GLCE: variants seen among roughly 807,000 people sequenced by gnomAD.
GLCE encodes the protein D-glucuronyl C5-epimerase.
A neutral mutation model predicts 47.9 loss-of-function variants in GLCE; 19 were observed. The ratio of observed to expected loss-of-function variants is 0.40; its 90% CI spans 0.28 to 0.58. GLCE has a LOEUF of 0.58. Among genes scored for constraint, GLCE ranks in the 20% least tolerant of loss-of-function variants. The pLI is 0.48. For missense variants in GLCE, 556 were observed against 743.3 expected (o/e 0.75, Z 2.93); for synonymous variants, 245 against 263.4 (o/e 0.93, Z 0.68).
chr15:69,215,478 G>C (rs527930368), intron 2 of GLCE, among the ~76,000 whole-genome samples: 1 of 151,712 alleles, frequency 6.6e-6, no homozygotes, highest in Non-Finnish European at 1.5e-5. Flanking sequence ...TCTGTTGTGG[G>C]ACATCTGGGT....
At chr15:69,183,799 C>T (rs2140343468) in intron 1 of GLCE, among the ~76,000 whole-genome samples, 1 of 152,298 alleles carries the variant, frequency 6.6e-6, no homozygotes, top group East Asian at 1.9e-4. Context: ...TCCTTTAGGT[C>T]AGTAGGATCA....
rs1017383404 is a variant in GLCE, at chr15:69,270,516, G to T, written c.*1272G>T. The T allele has an allele frequency of 6.6e-6, 1 of 152,084 alleles. No homozygotes were observed. Among genetic ancestry groups the T allele is most frequent in the African/African-American group, 2.4e-5 (1 of 41,414 alleles). 9.4% of individuals were successfully genotyped at this position (152,084 alleles called of 1,614,324 possible). A position where few individuals can be genotyped will look rare whatever the true frequency, so the allele number is the denominator to read the frequency against. ...AATAAAACCGAGGGTTGTTGATTTT[G>T]CTGTGACAGTACACTAAATCAATAC... On this transcript the variant is annotated 3_prime_UTR_variant, in exon 5 of 5. Transcript: ENST00000261858.
At chr15:69,200,908 T>C (rs1279195879) in intron 1 of GLCE, among the ~76,000 whole-genome samples, 2 of 152,102 alleles carry the variant, frequency 1.3e-5, no homozygotes, top group Non-Finnish European at 2.9e-5. Context: ...TCCTTGCTTA[T>C]ATGAGGTTTT....
chr15:69,222,832 G>T (rs971972373), intron 2 of GLCE, among the ~76,000 whole-genome samples: 1 of 152,070 alleles, frequency 6.6e-6, no homozygotes, highest in Non-Finnish European at 1.5e-5. Context: ...ATAGTGAAAG[G>T]TTTAAAATAA....
chr15:69,243,355 TA>T (rs1385878099), intron 2 of GLCE, among the ~76,000 whole-genome samples: 1 of 152,214 alleles, frequency 6.6e-6, no homozygotes, highest in Non-Finnish European at 1.5e-5. Flanking sequence ...TAAAGGCTAA[TA>T]AAATTAGCTT....
intron 1 of GLCE, among the ~76,000 whole-genome samples, chr15:69,167,584 A>G (rs2051524054): frequency 6.6e-6 from 1 of 152,258 alleles, no homozygotes; most frequent in Non-Finnish European, 1.5e-5. Flanking sequence ...ACAGAAATGC[A>G]TAAAATCTAG....
intron 2 of GLCE, among the ~76,000 whole-genome samples, chr15:69,216,227 G>T (rs1566958604): frequency 6.6e-6 from 1 of 152,096 alleles, no homozygotes; most frequent in Non-Finnish European, 1.5e-5. Context: ...ATTGGCATTG[G>T]ATTGACAAAT....
chr15:69,262,479 T>C (rs1303031212), intron 4 of GLCE, among the ~76,000 whole-genome samples: 1 of 152,180 alleles, frequency 6.6e-6, no homozygotes, highest in Non-Finnish European at 1.5e-5. Flanking sequence ...AAGAAACTTA[T>C]TTTTGCACTA....
chr15:69,224,482 A>C (rs2052418651), intron 2 of GLCE, among the ~76,000 whole-genome samples: 2 of 152,200 alleles, frequency 1.3e-5, no homozygotes, highest in African/African-American at 4.8e-5. Flanking sequence ...TGGCCCTTTA[A>C]GTTCCCTGGA....
chr15:69,161,393 G>C (rs75796500), intron 1 of GLCE, among the ~76,000 whole-genome samples: 1 of 151,930 alleles, frequency 6.6e-6, no homozygotes, highest in Non-Finnish European at 1.5e-5. Context: ...GCCTTGGGGG[G>C]TTGTTGGGGG....
intron 1 of GLCE, among the ~76,000 whole-genome samples, chr15:69,162,485 T>G (rs1218393642): frequency 6.6e-6 from 1 of 152,138 alleles, no homozygotes; most frequent in African/African-American, 2.4e-5. Flanking sequence ...CAGACAAATT[T>G]GAGTATACCA....
intron 2 of GLCE, among the ~76,000 whole-genome samples, chr15:69,245,896 T>C (rs901782642): frequency 6.6e-6 from 1 of 152,012 alleles, no homozygotes; most frequent in African/African-American, 2.4e-5. Context: ...GCCCGGCTAA[T>C]TTTTATATTT....
intron 1 of GLCE, among the ~76,000 whole-genome samples, chr15:69,185,469 A>G (rs1477528810): frequency 1.3e-5 from 2 of 152,072 alleles, no homozygotes; most frequent in African/African-American, 4.8e-5. Context: ...CTGGGTTGTG[A>G]TTAAGTTTCT....
At chr15:69,207,846 A>AT (rs2052173482) in intron 1 of GLCE, among the ~76,000 whole-genome samples, 1 of 152,130 alleles carries the variant, frequency 6.6e-6, no homozygotes, top group South Asian at 2.1e-4. Context: ...TGGTTGTGCC[A>AT]TTTTTTATTT....
intron 1 of GLCE, among the ~76,000 whole-genome samples, chr15:69,175,744 G>T (rs1044817124): frequency 2.6e-5 from 4 of 152,156 alleles, no homozygotes; most frequent in African/African-American, 9.7e-5. Context: ...CCATATCAGA[G>T]ATCTGTTTGC....
intron 2 of GLCE, among the ~76,000 whole-genome samples, chr15:69,237,640 A>G (rs1305552482): frequency 6.6e-6 from 1 of 152,114 alleles, no homozygotes; most frequent in Admixed American, 6.6e-5. Flanking sequence ...TTTCTTCCAC[A>G]TATAATTTCT....
intron 2 of GLCE, among the ~76,000 whole-genome samples, chr15:69,246,307 C>T (rs1303032482): frequency 1.3e-5 from 2 of 152,140 alleles, no homozygotes; most frequent in Non-Finnish European, 2.9e-5. Flanking sequence ...TTCTTAATGG[C>T]ATCTAGAATG....
chr15:69,269,185 A>G lies in GLCE; in HGVS notation c.1795A>G (p.Lys599Glu). ...LSTIDESPVF[K>E]EFVKRWKSYL... ...TACCATTGATGAGTCCCCAGTCTTC[A>G]AAGAATTTGTCAAGAGGTGGAAAAG... Residue 599 changes from lysine (K) to glutamate (E), a missense_variant, in exon 5 of 5, where the codon AAA becomes GAA. This residue lies in a region of GLCE where 245 missense variants were observed against 368.1 expected (regional missense o/e 0.67). Coordinates refer to ENST00000261858, the MANE Select transcript of GLCE (RefSeq NM_015554.3). The G allele has an allele frequency of 6.2e-7, 1 of 1,614,112 alleles. No individual in the cohort carries two copies. Among genetic ancestry groups the G allele is most frequent in the Non-Finnish European group, 8.5e-7 (1 of 1,179,974 alleles).
chr15:69,188,165 T>C (rs932229613), intron 1 of GLCE, among the ~76,000 whole-genome samples: 1 of 151,976 alleles, frequency 6.6e-6, no homozygotes, highest in South Asian at 2.1e-4. Context: ...TCACTTGAAC[T>C]GGGAGGTGGA....
Sources: gnomAD v4.1 joint callset for allele counts (sites outside exome capture counted in the v4.1 genomes callset) on GRCh38, gnomAD v4.1.1 for gene constraint, gnomAD v4.1.1 regional missense constraint, MANE v1.5 for transcripts, NCBI Gene and HGNC (gene_info 2026-07-23, HGNC 2026-07-21) for gene names.